Variants in MIPEP observed in about 807,000 individuals in gnomAD.
The protein encoded by MIPEP is mitochondrial intermediate peptidase.
A neutral mutation model predicts 90.3 loss-of-function variants in MIPEP; 79 were observed. That is an observed-to-expected ratio of 0.87 (90% confidence interval 0.73 to 1.05). The LOEUF is 1.05. Among genes scored for constraint, MIPEP ranks in the 50% least tolerant of loss-of-function variants. MIPEP has a pLI of 0.00. For synonymous variants in MIPEP, 334 were observed against 315.8 expected (o/e 1.06, Z -0.61); for missense variants, 940 against 905.6 (o/e 1.04, Z -0.49).
intron 14 of MIPEP, among the ~76,000 whole-genome samples, chr13:23,821,641 A>G (rs1953306215): frequency 6.6e-6 from 1 of 152,184 alleles, no homozygotes; most frequent in East Asian, 1.9e-4. Flanking sequence ...GGAATGTACA[A>G]CCTGCAGTAT....
chr13:23,773,338 T>C (rs1324606269), intron 16 of MIPEP, among the ~76,000 whole-genome samples: 1 of 152,252 alleles, frequency 6.6e-6, no homozygotes, highest in East Asian at 1.9e-4. Flanking sequence ...ATTGAGTGGA[T>C]ACAAGGCTTT....
intron 16 of MIPEP, among the ~76,000 whole-genome samples, chr13:23,794,140 G>C (rs896046091): frequency 6.6e-6 from 1 of 152,134 alleles, no homozygotes; most frequent in African/African-American, 2.4e-5. Flanking sequence ...AGAATATTAA[G>C]AGGAGGAAGT....
Position 23,860,308 on chromosome 13 carries a change from G to A in MIPEP, c.1054-1396C>T, listed in dbSNP as rs763766655. Among the ~76,000 whole-genome samples the A allele has an allele frequency of 6.6e-5, 10 of 152,216 alleles. 1 individual carries two copies. Among genetic ancestry groups the A allele is most frequent in the Non-Finnish European group, 1.2e-4 (8 of 68,034 alleles). On this transcript the variant is annotated intron_variant, in intron 9 of 18. Coordinates refer to ENST00000382172, the MANE Select transcript of MIPEP (RefSeq NM_005932.4). ...AAGGGAGAAAGGCATTCCTGTAGGTGGTGTTTGTAAATGACTGGAAGCTGC... is the reference window on the plus strand; with the variant it reads ...AAGGGAGAAAGGCATTCCTGTAGGTAGTGTTTGTAAATGACTGGAAGCTGC...
intron 14 of MIPEP, among the ~76,000 whole-genome samples, chr13:23,813,986 T>C (rs900039000): frequency 2.6e-5 from 4 of 152,204 alleles, no homozygotes; most frequent in South Asian, 2.1e-4. Flanking sequence ...TGAGCAACTA[T>C]GTATAAATGA....
At chr13:23,786,565 T>C (rs1293149148) in intron 16 of MIPEP, among the ~76,000 whole-genome samples, 4 of 151,504 alleles carry the variant, frequency 2.6e-5, no homozygotes, top group African/African-American at 9.7e-5. Context: ...TTCATAAAAA[T>C]CAATAGCAAA....
intron 18 of MIPEP, among the ~76,000 whole-genome samples, chr13:23,735,302 T>G (rs1477756401): frequency 6.6e-6 from 1 of 152,156 alleles, no homozygotes; most frequent in Non-Finnish European, 1.5e-5. Context: ...ACAGGGGAGC[T>G]TCTTCCTTTT....
Position 23,730,419 on chromosome 13 carries a change from C to T in MIPEP, c.2071G>A (p.Asp691Asn). Reference sequence around the variant, plus strand: ...GAAACGAGGGCACTTACGAAGTCATCAACAGAAGGACACTTCTGAAGCATA... The same window carrying T: ...GAAACGAGGGCACTTACGAAGTCATTAACAGAAGGACACTTCTGAAGCATA... ...EGMLQKCPSVDDFVSALVSDL... is the reference protein window; with the variant it reads ...EGMLQKCPSVNDFVSALVSDL... The change falls in exon 19 of 19, where the codon GAT becomes AAT. Residue 691 changes from aspartate to asparagine, a missense_variant. By Grantham distance (23) the Asp-to-Asn change is conservative. Coordinates refer to ENST00000382172, the MANE Select transcript of MIPEP (RefSeq NM_005932.4). The T allele has an allele frequency of 6.2e-7, 1 of 1,612,282 alleles. No homozygotes were observed. The highest frequency in any genetic ancestry group is 8.5e-7 in the Non-Finnish European group (1 of 1,178,778).
At chr13:23,756,509 T>G in intron 18 of MIPEP, 36 bp downstream of exon 18, 1 of 1,592,364 alleles carries the variant, frequency 6.3e-7, no homozygotes, top group Non-Finnish European at 8.6e-7. Context: ...TAAATCAGCT[T>G]TCATTATAGA....
In MIPEP at chr13:23,889,232, C is replaced by G; in HGVS notation, c.89G>C (p.Gly30Ala). Residue 30 changes from glycine (G) to alanine (A), a missense_variant, in exon 1 of 19, where the codon GGG (glycine) becomes GCG (alanine). Physicochemically the swap from Gly to Ala is moderately conservative, Grantham distance 60 (BLOSUM62 0). Transcript: ENST00000382172. ...RRAGRGSLEA[G>A]IRARRVSTSW... ...GGTGCTGACCCTTCGGGCCCGGATC[C>G]CGGCTTCGAGGCTTCCCCGGCCCGC... is the stretch of plus-strand genomic sequence containing the variant. The G allele has an allele frequency of 7.1e-7, 1 of 1,411,498 alleles. No individual in the cohort carries two copies. Among genetic ancestry groups the G allele is most frequent in the Non-Finnish European group, 9.2e-7 (1 of 1,084,550 alleles). 87.4% of individuals were successfully genotyped at this position (1,411,498 alleles called of 1,614,324 possible).
At chr13:23,838,258 T>G (rs1869143838) in intron 12 of MIPEP, among the ~76,000 whole-genome samples, 1 of 152,140 alleles carries the variant, frequency 6.6e-6, no homozygotes, top group African/African-American at 2.4e-5. Context: ...ATCCTCCTGC[T>G]TTGGCCTACT....
At chr13:23,803,388 C>T (rs1565999133) in intron 16 of MIPEP, among the ~76,000 whole-genome samples, 1 of 152,032 alleles carries the variant, frequency 6.6e-6, no homozygotes, top group African/African-American at 2.4e-5. Flanking sequence ...ACAACAACAA[C>T]AAAAACACTA....
At chr13:23,770,847 G>A (rs1337563465) in intron 16 of MIPEP, among the ~76,000 whole-genome samples, 2 of 152,200 alleles carry the variant, frequency 1.3e-5, no homozygotes, top group Non-Finnish European at 2.9e-5. Context: ...AACTGGAGAG[G>A]CTGTCCTAAC....
Position 23,864,140 on chromosome 13 carries a change from C to A in MIPEP, c.992+1G>T. The A allele has an allele frequency of 6.5e-7, 1 of 1,535,836 alleles. No individual in the cohort carries two copies. The highest frequency in any genetic ancestry group is 1.2e-5 in the South Asian group (1 of 82,770). On this transcript the variant is annotated splice_donor_variant, in intron 8 of 18. Transcript: ENST00000382172. LOFTEE classifies it high-confidence loss of function. ...AACTAAATAGTAGAATAAAAACTAACCTTTCAGAAAGTTTGTCAGATAGTT... is the reference window on the plus strand; with the variant it reads ...AACTAAATAGTAGAATAAAAACTAAACTTTCAGAAAGTTTGTCAGATAGTT...
chr13:23,834,951 G>A (rs1329696366), intron 14 of MIPEP, among the ~76,000 whole-genome samples: 1 of 151,624 alleles, frequency 6.6e-6, no homozygotes, highest in Non-Finnish European at 1.5e-5. Flanking sequence ...TCACAAATCT[G>A]CCACCGTAAT....
At chr13:23,855,142 A>C (rs1359052676) in intron 10 of MIPEP, among the ~76,000 whole-genome samples, 1 of 152,184 alleles carries the variant, frequency 6.6e-6, no homozygotes, top group African/African-American at 2.4e-5. Flanking sequence ...TGTATTGCCT[A>C]ATCAAAAATA....
intron 16 of MIPEP, among the ~76,000 whole-genome samples, chr13:23,798,033 T>C (rs1952982523): frequency 6.6e-6 from 1 of 152,244 alleles, no homozygotes; most frequent in African/African-American, 2.4e-5. Flanking sequence ...TTATTTACTG[T>C]TACATCCATT....
intron 9 of MIPEP, among the ~76,000 whole-genome samples, chr13:23,859,533 G>T (rs1371833060): frequency 6.6e-6 from 1 of 152,150 alleles, no homozygotes; most frequent in Non-Finnish European, 1.5e-5. Flanking sequence ...ACAAAAGAGT[G>T]GTTAAGAGAC....
At chr13:23,863,348 G>A (rs931651338) in intron 8 of MIPEP, among the ~76,000 whole-genome samples, 3 of 152,188 alleles carry the variant, frequency 2.0e-5, no homozygotes, top group African/African-American at 4.8e-5. Context: ...TACAGGTTGA[G>A]CCTCCCTAAT....
In MIPEP at chr13:23,778,711, G is replaced by GGCAATA. The variant is rs1231329172; in HGVS notation, c.1849-18495_1849-18494insTATTGC. Among the ~76,000 whole-genome samples, 9 of 59,774 alleles carry GGCAATA rather than the reference G, an allele frequency of 1.5e-4. No homozygotes were observed. In the South Asian group the frequency reaches 2.4e-3, roughly 16 times the overall value. The allele number at this position is 59,774 out of a possible 152,430, so 39.2% of individuals were successfully genotyped here. ...AAGCTCTACATTATTTTATTATACT[G>GGCAATA]ACAATAATAATAATAATAATACATG... is the stretch of plus-strand genomic sequence containing the variant. On this transcript the variant is annotated intron_variant, in intron 16 of 18. Transcript: ENST00000382172.
Sources: allele counts gnomAD v4.1 joint callset (sites outside exome capture counted in the v4.1 genomes callset), GRCh38; gene constraint gnomAD v4.1.1; transcripts MANE v1.5; gene names NCBI Gene and HGNC (gene_info 2026-07-23, HGNC 2026-07-21).